MGAT4C: variants seen among roughly 807,000 people sequenced by gnomAD.
MGAT4C encodes alpha-1,3-mannosyl-glycoprotein 4-beta-N-acetylglucosaminyltransferase C.
MGAT4C carries 19 observed loss-of-function variants against 40.1 expected under a neutral mutation model. The observed-to-expected ratio is 0.47, with a 90% CI of 0.33 to 0.70. The LOEUF is 0.70. Ranked by LOEUF, MGAT4C falls within the 30% of genes least tolerant of loss-of-function variation. The pLI is 0.02. For synonymous variants in MGAT4C, 181 were observed against 187.1 expected, an observed-to-expected ratio of 0.97 and a Z score of 0.27; for missense variants, 491 against 563.2, an observed-to-expected ratio of 0.87 and a Z score of 1.30.
chr12:86,747,772 T>A (rs1235539785), intron 1 of MGAT4C, among the ~76,000 whole-genome samples: 1 of 147,948 alleles, frequency 6.8e-6, no homozygotes, highest in African/African-American at 2.5e-5. Flanking sequence ...TGGAAGGAAA[T>A]TTTTTTTTTT....
Position 86,474,486 on chromosome 12 carries a change from A to G in MGAT4C, c.-228-39221T>C, listed in dbSNP as rs144425881. Among the ~76,000 whole-genome samples, 755 of 151,896 alleles carry G rather than the reference A, an allele frequency of 5.0e-3. 5 individuals are homozygous for G. Among genetic ancestry groups the G allele is most frequent in the African/African-American group, 0.017 (720 of 41,468 alleles). ...GTATACATATGTAACAAACCTGCAC[A>G]TTGTGCACATGTATCCTAAAACTTA... On this transcript the variant is annotated intron_variant, in intron 2 of 7. Transcript: ENST00000548651.
chr12:86,784,963 T>C (rs1181172856), intron 1 of MGAT4C, among the ~76,000 whole-genome samples: 1 of 151,980 alleles, frequency 6.6e-6, no homozygotes, highest in East Asian at 1.9e-4. Context: ...AATCATGCTC[T>C]TGGGATTAGA....
chr12:86,375,163 C>G (rs1253923625), intron 3 of MGAT4C, among the ~76,000 whole-genome samples: 1 of 151,892 alleles, frequency 6.6e-6, no homozygotes, highest in Non-Finnish European at 1.5e-5. Context: ...AGAAAAAAAC[C>G]CAGTATTTCT....
At chr12:86,578,351 T>G (rs540540234) in intron 2 of MGAT4C, among the ~76,000 whole-genome samples, 2 of 151,946 alleles carry the variant, frequency 1.3e-5, no homozygotes, top group African/African-American at 4.8e-5. Flanking sequence ...TCATGTGTCT[T>G]TCTCTGGCTT....
intron 2 of MGAT4C, among the ~76,000 whole-genome samples, chr12:86,710,937 G>A (rs1950545361): frequency 6.6e-6 from 1 of 152,094 alleles, no homozygotes; most frequent in South Asian, 2.1e-4. Context: ...CTCAGGAACG[G>A]AAAACCAAAT....
intron 2 of MGAT4C, among the ~76,000 whole-genome samples, chr12:86,488,214 A>T (rs1958059392): frequency 6.6e-6 from 1 of 151,346 alleles, no homozygotes; most frequent in Non-Finnish European, 1.5e-5. Flanking sequence ...CAGGAGTTTG[A>T]GATCAGCCTG....
At chr12:86,805,460 T>C (rs1271100156) in intron 1 of MGAT4C, among the ~76,000 whole-genome samples, 1 of 151,938 alleles carries the variant, frequency 6.6e-6, no homozygotes, top group African/African-American at 2.4e-5. Flanking sequence ...GAGTGAAACA[T>C]GTGGTATTTG....
intron 2 of MGAT4C, among the ~76,000 whole-genome samples, chr12:86,476,309 C>G (rs1957834754): frequency 6.6e-6 from 1 of 151,952 alleles, no homozygotes; most frequent in African/African-American, 2.4e-5. Flanking sequence ...AGAAGACATA[C>G]AAGTGGCCAA....
In MGAT4C at chr12:86,311,273, G is replaced by A. The variant is rs116285664; in HGVS notation, c.-57+22792C>T. Among the ~76,000 whole-genome samples, 922 of 152,188 alleles carry A rather than the reference G, an allele frequency of 6.1e-3. 5 individuals are homozygous for A. Among genetic ancestry groups the A allele is most frequent in the African/African-American group, 0.021 (885 of 41,518 alleles). ...CTACAAACCTGTATGGCATTTTACC[G>A]TACTAACTCTATAGGCAATTATAAC... On this transcript the variant is annotated intron_variant, in intron 4 of 7. Coordinates refer to the MGAT4C transcript ENST00000548651.
intron 2 of MGAT4C, among the ~76,000 whole-genome samples, chr12:86,473,318 G>T (rs1957782888): frequency 6.6e-6 from 1 of 152,122 alleles, no homozygotes; most frequent in Admixed American, 6.6e-5. Context: ...AATCCGAAAT[G>T]ACATCCAGAC....
chr12:86,545,508 T>C (rs559528769), intron 2 of MGAT4C, among the ~76,000 whole-genome samples: 1 of 151,996 alleles, frequency 6.6e-6, no homozygotes, highest in South Asian at 2.1e-4. Flanking sequence ...TTACATCTCG[T>C]TGCCAGATTA....
At chr12:86,097,691 T>A (rs138439561) in intron 1 of MGAT4C, among the ~76,000 whole-genome samples, 2 of 151,588 alleles carry the variant, frequency 1.3e-5, no homozygotes, top group Non-Finnish European at 3.0e-5. Context: ...AGAAACTACA[T>A]AGGTGTGTTT....
intron 1 of MGAT4C, among the ~76,000 whole-genome samples, chr12:86,134,131 G>A (rs1881620388): frequency 6.6e-6 from 1 of 151,830 alleles, no homozygotes; most frequent in African/African-American, 2.4e-5. Context: ...GACCATTTTT[G>A]TTTTCAGTTA....
intron 2 of MGAT4C, among the ~76,000 whole-genome samples, chr12:86,039,728 T>C (rs1891617352): frequency 6.6e-6 from 1 of 152,188 alleles, no homozygotes; most frequent in African/African-American, 2.4e-5. Flanking sequence ...TTCTGTTAAT[T>C]TGTCAAACTC....
intron 4 of MGAT4C, among the ~76,000 whole-genome samples, chr12:86,280,327 G>A (rs1566254576): frequency 6.6e-6 from 1 of 151,694 alleles, no homozygotes; most frequent in Non-Finnish European, 1.5e-5. Context: ...CTCCAGTGTT[G>A]GGTGCATATA....
In MGAT4C at chr12:85,961,208, G is replaced by GATCA. The variant is rs1290090914; in HGVS notation, c.*18080_*18081insTGAT. 1.3e-5 allele frequency: 2 copies of GATCA among 151,826 alleles called. No individual in the cohort carries two copies. The highest frequency in any genetic ancestry group is 4.8e-5 in the African/African-American group (2 of 41,402). The allele number at this position is 151,826 out of a possible 1,614,324, so 9.4% of individuals were successfully genotyped here. The stretch of plus-strand genomic sequence containing the variant: ...ACTCCATCATTTTCCAGTCATTCTT[G>GATCA]AGACTGTCAACTCTATGGGCATTGT... On this transcript the variant is annotated 3_prime_UTR_variant, in exon 5 of 5. Transcript: ENST00000611864.
intron 2 of MGAT4C, among the ~76,000 whole-genome samples, chr12:86,608,560 A>C (rs908259075): frequency 6.6e-6 from 1 of 152,112 alleles, no homozygotes; most frequent in Non-Finnish European, 1.5e-5. Flanking sequence ...TGCCAGAGTG[A>C]GATGCTGTCT....
intron 3 of MGAT4C, among the ~76,000 whole-genome samples, chr12:86,357,823 A>C (rs376822284): frequency 6.6e-6 from 1 of 152,216 alleles, no homozygotes; most frequent in East Asian, 1.9e-4. Context: ...GAAACATGGG[A>C]CTATGTGAAA....
At chr12:86,332,981 A>G (rs1954705988) in intron 4 of MGAT4C, among the ~76,000 whole-genome samples, 1 of 152,198 alleles carries the variant, frequency 6.6e-6, no homozygotes, top group African/African-American at 2.4e-5. Context: ...GAAAAAGGCT[A>G]TATGAAACAA....
Sources: allele counts gnomAD v4.1 joint callset (sites outside exome capture counted in the v4.1 genomes callset), GRCh38; gene constraint gnomAD v4.1.1; transcripts MANE v1.5; gene names NCBI Gene and HGNC (gene_info 2026-07-23, HGNC 2026-07-21).